The following GPC6 variants were observed in gnomAD, a reference collection of about 807,000 sequenced individuals.
GPC6 encodes glypican 6.
GPC6 carries 14 observed loss-of-function variants against 55.2 expected under a neutral mutation model. That is an observed-to-expected ratio of 0.25 (90% CI 0.17 to 0.40). The LOEUF is 0.40. Among genes scored for constraint, GPC6 ranks in the 10% least tolerant of loss-of-function variants. The pLI, the probability that GPC6 is intolerant of heterozygous loss-of-function variation, is 1.00. For missense variants in GPC6, 641 were observed against 708.5 expected (o/e 0.90, Z 1.08); for synonymous variants, 278 against 259.6 (o/e 1.07, Z -0.68).
chr13:94,119,260 C>A (rs2138850984), intron 4 of GPC6, among the ~76,000 whole-genome samples: 1 of 151,900 alleles, frequency 6.6e-6, no homozygotes, highest in African/African-American at 2.4e-5. Context: ...AAAAAAGGGA[C>A]AACAATGAAG....
At chr13:93,887,169 G>A (rs1195171053) in intron 3 of GPC6, among the ~76,000 whole-genome samples, 16 of 151,866 alleles carry the variant, frequency 1.1e-4, no homozygotes, top group Admixed American at 1.1e-3. Flanking sequence ...AATTTATTTA[G>A]TTTCAAAAAG....
chr13:93,671,593 T>A (rs1309912010), intron 2 of GPC6, among the ~76,000 whole-genome samples: 1 of 143,654 alleles, frequency 7.0e-6, no homozygotes, highest in Non-Finnish European at 1.6e-5. Flanking sequence ...TTTCTCTGGG[T>A]TTTTAAGGGT....
chr13:94,329,569 G>T (rs1480971428), intron 6 of GPC6, among the ~76,000 whole-genome samples: 1 of 152,198 alleles, frequency 6.6e-6, no homozygotes, highest in Non-Finnish European at 1.5e-5. Flanking sequence ...AGGATCTGCA[G>T]ACAGTGAGAA....
At chr13:93,431,919 T>G (rs17267738) in intron 1 of GPC6, among the ~76,000 whole-genome samples, 31,673 of 152,146 alleles carry the variant, frequency 0.21, 3,504 homozygotes, top group Middle Eastern at 0.28. Context: ...TGATGCTGTT[T>G]CCTAAAGTCA....
At chr13:93,240,431 T>C (rs1350557397) in intron 1 of GPC6, among the ~76,000 whole-genome samples, 1 of 152,076 alleles carries the variant, frequency 6.6e-6, no homozygotes, top group East Asian at 1.9e-4. Context: ...ATTTAATGTC[T>C]GATTTATCTG....
intron 1 of GPC6, among the ~76,000 whole-genome samples, chr13:93,474,198 T>G (rs1185197532): frequency 6.6e-6 from 1 of 152,190 alleles, no homozygotes; most frequent in African/African-American, 2.4e-5. Context: ...AGTCCTGATG[T>G]CAGATAAGTT....
intron 4 of GPC6, among the ~76,000 whole-genome samples, chr13:94,142,536 T>C (rs1887417513): frequency 6.6e-6 from 1 of 152,204 alleles, no homozygotes; most frequent in Non-Finnish European, 1.5e-5. Context: ...ACAGTTATTC[T>C]GCTTTAAACA....
chr13:93,267,832 A>T (rs1432359878), intron 1 of GPC6, among the ~76,000 whole-genome samples: 1 of 152,108 alleles, frequency 6.6e-6, no homozygotes, highest in Non-Finnish European at 1.5e-5. Flanking sequence ...GAGATTTTAT[A>T]TTTTTTTAGG....
intron 3 of GPC6, among the ~76,000 whole-genome samples, chr13:94,024,318 TA>T (rs1391188488): frequency 6.6e-6 from 1 of 152,168 alleles, no homozygotes; most frequent in Non-Finnish European, 1.5e-5. Flanking sequence ...GAGCTTATAT[TA>T]ATTTCAAAAT....
intron 1 of GPC6, among the ~76,000 whole-genome samples, chr13:93,347,597 G>T (rs372581297): frequency 4.7e-4 from 71 of 152,128 alleles, no homozygotes; most frequent in African/African-American, 1.4e-3. Context: ...ATGCCCAATC[G>T]AACAAACGTG....
intron 2 of GPC6, among the ~76,000 whole-genome samples, chr13:93,757,953 T>C (rs1246031304): frequency 6.6e-6 from 1 of 152,172 alleles, no homozygotes; most frequent in African/African-American, 2.4e-5. Flanking sequence ...CAAGGCCCCC[T>C]CCAGGACTAA....
At chr13:94,136,362 G>A (rs367953517) in intron 4 of GPC6, among the ~76,000 whole-genome samples, 3 of 152,234 alleles carry the variant, frequency 2.0e-5, no homozygotes, top group East Asian at 3.9e-4. Context: ...CAGGCATGGC[G>A]ATAAGAAGGG....
At chr13:94,048,695 C>T (rs1001263177) in intron 4 of GPC6, among the ~76,000 whole-genome samples, 2 of 151,802 alleles carry the variant, frequency 1.3e-5, no homozygotes, top group Admixed American at 1.3e-4. Flanking sequence ...TCATTTTGGT[C>T]TGGTCGCAGG....
At chr13:93,368,759 C>T (rs1566320953) in intron 1 of GPC6, among the ~76,000 whole-genome samples, 1 of 152,040 alleles carries the variant, frequency 6.6e-6, no homozygotes, top group Non-Finnish European at 1.5e-5. Context: ...GTTAGCAAAG[C>T]ATCCAAAACA....
chr13:93,407,349 T>C (rs1417486967), intron 1 of GPC6, among the ~76,000 whole-genome samples: 1 of 152,126 alleles, frequency 6.6e-6, no homozygotes, highest in Non-Finnish European at 1.5e-5. Context: ...CTTGTACTTT[T>C]AACTTTCTTG....
chr13:94,105,718 A>G (rs1886029524), intron 4 of GPC6, among the ~76,000 whole-genome samples: 1 of 152,234 alleles, frequency 6.6e-6, no homozygotes, highest in Admixed American at 6.5e-5. Context: ...CAACAATTAA[A>G]TAGAAAGCAA....
chr13:93,845,705 T>C (rs1031184211), intron 3 of GPC6, among the ~76,000 whole-genome samples: 2 of 148,234 alleles, frequency 1.3e-5, no homozygotes, highest in African/African-American at 2.5e-5. Context: ...AAATTGGAAA[T>C]CATCATTCTC....
intron 6 of GPC6, among the ~76,000 whole-genome samples, chr13:94,335,113 C>T: frequency 6.6e-6 from 1 of 152,226 alleles, no homozygotes; most frequent in East Asian, 1.9e-4. Context: ...CTAGAAAGTA[C>T]TTAAGAGTGA....
chr13:93,988,356 C>A lies in GPC6; in HGVS notation c.712-39373C>A, dbSNP rs914499236. On this transcript the variant is annotated intron_variant, in intron 3 of 8. Coordinates refer to ENST00000377047, the MANE Select transcript of GPC6 (RefSeq NM_005708.5). ...CCAGACCCTTTGTGCCAGCCACATG[C>A]CAGCCTTAGTAATGAAAAATGGCAC... 1.4e-4 allele frequency among the ~76,000 whole-genome samples: 21 copies of A among 152,148 alleles called. 1 individual carries two copies. Among genetic ancestry groups the A allele is most frequent in the Admixed American group, 1.2e-3 (19 of 15,270 alleles).
Sources: gnomAD v4.1 joint callset for allele counts (sites outside exome capture counted in the v4.1 genomes callset) on GRCh38, gnomAD v4.1.1 for gene constraint, MANE v1.5 for transcripts, NCBI Gene and HGNC (gene_info 2026-07-23, HGNC 2026-07-21) for gene names.